Variants in FHIT observed in about 807,000 individuals in gnomAD.
The protein encoded by FHIT is fragile histidine triad diadenosine triphosphatase.
FHIT carries 19 observed loss-of-function variants against 17.9 expected under a neutral mutation model. That is an observed-to-expected ratio of 1.06 (90% CI 0.74 to 1.56). The LOEUF (loss-of-function observed/expected upper bound fraction) is 1.56, where lower values mean the gene tolerates loss of function less well. Among genes scored for constraint, FHIT ranks in the 40% most tolerant of loss-of-function variants. The pLI is 0.00. For synonymous variants in FHIT, 81 were observed against 69.7 expected (o/e 1.16, Z -0.81); for missense variants, 248 against 189.2 (o/e 1.31, Z -1.82).
chr3:60,860,217 T>C (rs1171727927), intron 3 of FHIT, among the ~76,000 whole-genome samples: 4 of 135,560 alleles, frequency 3.0e-5, no homozygotes, highest in African/African-American at 1.2e-4. Flanking sequence ...ATGGTATACA[T>C]GAGATACATC....
intron 4 of FHIT, among the ~76,000 whole-genome samples, chr3:60,821,425 C>A (rs1487323322): frequency 1.3e-5 from 2 of 152,188 alleles, no homozygotes; most frequent in African/African-American, 2.4e-5. Flanking sequence ...ATGAACAGTA[C>A]CATGCCACTG....
chr3:60,290,828 G>A (rs1220835304), intron 5 of FHIT, among the ~76,000 whole-genome samples: 1 of 152,048 alleles, frequency 6.6e-6, no homozygotes, highest in African/African-American at 2.4e-5. Flanking sequence ...TAGCAGAGAG[G>A]GGAAGACAGA....
chr3:60,944,333 T>G lies in FHIT; in HGVS notation c.-111+97714A>C, dbSNP rs549309458. On this transcript the variant is annotated intron_variant, in intron 3 of 9. Transcript: ENST00000492590. ...TTTCCAAAAGCAGTGCCTGAGTTTG[T>G]CTTTTTTTTTTCCTCCATCAACTCT... Among the ~76,000 whole-genome samples, 4 of 138,738 alleles carry G rather than the reference T, an allele frequency of 2.9e-5. No homozygotes were observed. In the South Asian group the frequency reaches 7.3e-4, roughly 25 times the overall value. 91.0% of individuals were successfully genotyped at this position (138,738 alleles called of 152,430 possible). A position where few individuals can be genotyped will look rare whatever the true frequency, so the allele number is the denominator to read the frequency against.
At chr3:61,081,255 G>T (rs2035127842) in intron 2 of FHIT, among the ~76,000 whole-genome samples, 1 of 152,076 alleles carries the variant, frequency 6.6e-6, no homozygotes, top group African/African-American at 2.4e-5. Context: ...AACAAGAAGG[G>T]ACATGTTACC....
chr3:60,879,653 A>G (rs1316410945), intron 3 of FHIT, among the ~76,000 whole-genome samples: 7 of 152,220 alleles, frequency 4.6e-5, no homozygotes, highest in African/African-American at 1.7e-4. Context: ...GAAAATACAG[A>G]TAGACAATTC....
intron 5 of FHIT, among the ~76,000 whole-genome samples, chr3:60,355,559 A>G (rs940582270): frequency 6.6e-6 from 1 of 152,206 alleles, no homozygotes; most frequent in Non-Finnish European, 1.5e-5. Flanking sequence ...ATGTTCCTAA[A>G]TGAAATGAAA....
chr3:60,630,627 T>C (rs1362834333), intron 4 of FHIT, among the ~76,000 whole-genome samples: 1 of 152,126 alleles, frequency 6.6e-6, no homozygotes, highest in Non-Finnish European at 1.5e-5. Context: ...GTCTGCCTAC[T>C]ATGTGAGCCT....
chr3:59,897,463 G>C (rs1231015017), intron 8 of FHIT, among the ~76,000 whole-genome samples: 1 of 152,000 alleles, frequency 6.6e-6, no homozygotes, highest in African/African-American at 2.4e-5. Context: ...TCATTTTATG[G>C]TATGTTGGTC....
At chr3:60,433,346 T>C (rs2029904651) in intron 5 of FHIT, among the ~76,000 whole-genome samples, 1 of 152,134 alleles carries the variant, frequency 6.6e-6, no homozygotes, top group South Asian at 2.1e-4. Flanking sequence ...GTTGTTTATG[T>C]ATTTTAACTA....
intron 2 of FHIT, among the ~76,000 whole-genome samples, chr3:61,172,861 T>G (rs2038047272): frequency 6.6e-6 from 1 of 152,162 alleles, no homozygotes; most frequent in South Asian, 2.1e-4. Flanking sequence ...GTGAACACAT[T>G]TGCAGAAGGC....
intron 5 of FHIT, among the ~76,000 whole-genome samples, chr3:60,306,243 T>G (rs1039780675): frequency 6.6e-6 from 1 of 152,138 alleles, no homozygotes; most frequent in Non-Finnish European, 1.5e-5. Context: ...CAGCAGACTA[T>G]GGTAAAGAGG....
chr3:60,198,719 A>G (rs1484714819), intron 5 of FHIT, among the ~76,000 whole-genome samples: 2 of 152,032 alleles, frequency 1.3e-5, no homozygotes, highest in South Asian at 4.1e-4. Context: ...CTCTGGTACC[A>G]TTTTCTACCT....
At chr3:60,714,546 G>A (rs2041629376) in intron 4 of FHIT, among the ~76,000 whole-genome samples, 2 of 152,244 alleles carry the variant, frequency 1.3e-5, no homozygotes, top group Middle Eastern at 3.4e-3. Context: ...CATTGCCTCA[G>A]CCCAAAATCT....
chr3:61,242,291 C>CAA (rs972326510), intron 1 of FHIT, among the ~76,000 whole-genome samples: 1 of 147,594 alleles, frequency 6.8e-6, no homozygotes, highest in Admixed American at 6.7e-5. Context: ...AAAACAACAA[C>CAA]AAAAAAAAAA....
intron 5 of FHIT, among the ~76,000 whole-genome samples, chr3:60,187,152 G>A (rs1702191953): frequency 6.6e-6 from 1 of 152,122 alleles, no homozygotes; most frequent in African/African-American, 2.4e-5. Context: ...CTTCTTCTGT[G>A]TGTTTACCCA....
chr3:59,747,636 G>C lies in FHIT; in HGVS notation c.*1949C>G, dbSNP rs904866336. 3.9e-5 allele frequency among the ~76,000 whole-genome samples: 6 copies of C among 152,076 alleles called. No homozygotes were observed. The highest frequency in any genetic ancestry group is 1.4e-4 in the African/African-American group (6 of 41,416). ...TTATATAGGGCATCTCTGGATATAG[G>C]TGTTCACATTCTTCTTTGCAACCTG... On this transcript the variant is annotated 3_prime_UTR_variant, in exon 10 of 10. Coordinates refer to ENST00000492590, the MANE Select transcript of FHIT (RefSeq NM_002012.4).
intron 7 of FHIT, among the ~76,000 whole-genome samples, chr3:59,997,107 T>C (rs562571353): frequency 1.3e-5 from 2 of 152,232 alleles, no homozygotes; most frequent in Non-Finnish European, 2.9e-5. Context: ...CTTGTTCCTA[T>C]ACCATCTGGA....
chr3:60,114,559 T>A (rs192630447), intron 5 of FHIT, among the ~76,000 whole-genome samples: 10 of 133,472 alleles, frequency 7.5e-5, no homozygotes, highest in Non-Finnish European at 1.4e-4. Context: ...GAAGGTGCAA[T>A]CTCAGCTCAC....
intron 3 of FHIT, among the ~76,000 whole-genome samples, chr3:60,931,115 G>C (rs1167911685): frequency 6.8e-6 from 1 of 147,946 alleles, no homozygotes; most frequent in Non-Finnish European, 1.5e-5. Flanking sequence ...ATCGCAAGGA[G>C]AAAAAACCAA....
Sources: allele counts gnomAD v4.1 joint callset (sites outside exome capture counted in the v4.1 genomes callset), GRCh38; gene constraint gnomAD v4.1.1; transcripts MANE v1.5; gene names NCBI Gene and HGNC (gene_info 2026-07-23, HGNC 2026-07-21).